ATRX: variants seen among roughly 807,000 people sequenced by gnomAD.
ATRX encodes the protein ATRX chromatin remodeler, also known as chromatin remodeler ATRX.
In ATRX, 12 loss-of-function variants were observed where a neutral mutation model predicts 172.6. The observed-to-expected ratio is 0.07, with a 90% CI of 0.04 to 0.11. The LOEUF (loss-of-function observed/expected upper bound fraction) is 0.11, where lower values mean the gene tolerates loss of function less well. Ranked by LOEUF, ATRX falls within the 10% of genes least tolerant of loss-of-function variation. The pLI is 1.00. For missense variants in ATRX, 1,368 were observed against 1,767.4 expected, an observed-to-expected ratio of 0.77 and a Z score of 4.05; for synonymous variants, 674 against 594.7, an observed-to-expected ratio of 1.13 and a Z score of -1.94.
At chrX:77,609,110 A>C (rs1376383424) in intron 22 of ATRX, among the ~76,000 whole-genome samples, 1 of 111,991 alleles carries the variant, frequency 8.9e-6, no homozygotes, top group Non-Finnish European at 1.9e-5. Context: ...GGTGGAGAAA[A>C]GGGAACCCAC....
intron 27 of ATRX, among the ~76,000 whole-genome samples, chrX:77,587,243 A>G (rs2066060272): frequency 1.8e-5 from 2 of 111,226 alleles, no homozygotes; most frequent in Non-Finnish European, 3.8e-5. Context: ...AGCAAACTAA[A>G]TCCAGCACCA....
At chrX:77,518,069 A>C (rs935411680) in intron 34 of ATRX, among the ~76,000 whole-genome samples, 2 of 112,119 alleles carry the variant, frequency 1.8e-5, no homozygotes, top group Non-Finnish European at 1.9e-5. Context: ...TATCGTACTC[A>C]ATGGGGAAAA....
chrX:77,721,607 C>T (rs1274676288), intron 1 of ATRX, among the ~76,000 whole-genome samples: 3 of 111,453 alleles, frequency 2.7e-5, no homozygotes, highest in Non-Finnish European at 5.6e-5. Flanking sequence ...AGGAATACAA[C>T]TTACAAGGGA....
intron 1 of ATRX, among the ~76,000 whole-genome samples, chrX:77,749,685 C>A (rs1472516050): frequency 9.0e-6 from 1 of 111,658 alleles, no homozygotes; most frequent in African/African-American, 3.3e-5. Context: ...AATTCAGTTA[C>A]CTGTGGTCAA....
intron 1 of ATRX, among the ~76,000 whole-genome samples, chrX:77,782,706 T>C (rs1359983889): frequency 9.0e-6 from 1 of 111,490 alleles, no homozygotes; most frequent in Non-Finnish European, 1.9e-5. Flanking sequence ...TGAGCCAAGA[T>C]GGTGCCATTG....
At chrX:77,569,327 G>C (rs1435552705) in intron 28 of ATRX, among the ~76,000 whole-genome samples, 3 of 111,097 alleles carry the variant, frequency 2.7e-5, no homozygotes, top group Non-Finnish European at 5.7e-5. Context: ...ATAATAAACA[G>C]AGCTGAAAAT....
At chrX:77,671,446 A>C (rs1387397215) in intron 10 of ATRX, among the ~76,000 whole-genome samples, 1 of 108,580 alleles carries the variant, frequency 9.2e-6, no homozygotes, top group Non-Finnish European at 1.9e-5. Context: ...TTAAGAACCC[A>C]CAGTTATTAA....
At chrX:77,543,884 C>T (rs1447697105) in intron 30 of ATRX, among the ~76,000 whole-genome samples, 3 of 109,375 alleles carry the variant, frequency 2.7e-5, no homozygotes, top group Non-Finnish European at 3.8e-5. Flanking sequence ...GTATAGCAAA[C>T]CACTATGGCA....
chrX:77,580,501 T>C (rs139979754), intron 27 of ATRX, among the ~76,000 whole-genome samples: 132 of 111,196 alleles, frequency 1.2e-3, no homozygotes, highest in African/African-American at 4.2e-3. Flanking sequence ...AGGAGAAGAG[T>C]AGCATGAAAT....
intron 8 of ATRX, 31 bp downstream of exon 8, chrX:77,684,908 C>G (rs200609866): frequency 8.8e-7 from 1 of 1,135,939 alleles, no homozygotes; most frequent in East Asian, 3.0e-5. Context: ...AAGTAGGAAA[C>G]ACTGAATGTT....
intron 1 of ATRX, among the ~76,000 whole-genome samples, chrX:77,785,530 G>A (rs976642900): frequency 3.7e-5 from 4 of 107,366 alleles, no homozygotes; most frequent in Non-Finnish European, 5.8e-5. Flanking sequence ...CCTCTAAGTC[G>A]TCCTGGGATC....
intron 12 of ATRX, among the ~76,000 whole-genome samples, chrX:77,658,535 A>G (rs1276510136): frequency 8.9e-6 from 1 of 112,388 alleles, no homozygotes; most frequent in Non-Finnish European, 1.9e-5. Flanking sequence ...AATAAGATCT[A>G]TAGTTTACTT....
intron 28 of ATRX, 81 bp downstream of exon 28, chrX:77,574,169 C>A (rs1602606450): frequency 1.4e-6 from 1 of 712,548 alleles, no homozygotes; most frequent in Non-Finnish European, 2.1e-6. Flanking sequence ...CATTCAAATA[C>A]ACAATAAAAA....
At chrX:77,593,899 AAG>A (rs1351508651) in intron 25 of ATRX, 50 bp from the exon 26 acceptor site, 30 of 1,108,275 alleles carry the variant, frequency 2.7e-5, no homozygotes, top group Non-Finnish European at 3.5e-5. Flanking sequence ...AAGAAATGGA[AAG>A]AGAGCAAGAG....
chrX:77,565,841 G>T (rs1602569035), intron 28 of ATRX, among the ~76,000 whole-genome samples: 1 of 107,663 alleles, frequency 9.3e-6, no homozygotes, highest in African/African-American at 3.4e-5. Context: ...GGGCGAGAGT[G>T]AGACCCTGTC....
At chrX:77,538,546 G>A (rs917704584) in intron 30 of ATRX, among the ~76,000 whole-genome samples, 30 of 111,098 alleles carry the variant, frequency 2.7e-4, no homozygotes, top group Admixed American at 2.9e-4. Flanking sequence ...TGATGGTTAC[G>A]CTAAAAACCC....
At chrX:77,696,482 G>A (rs1172116888) in intron 5 of ATRX, 95 bp downstream of exon 5, 3 of 951,012 alleles carry the variant, frequency 3.2e-6, no homozygotes, top group Non-Finnish European at 4.5e-6. Context: ...TTGGTCGTTT[G>A]TACATAGTTA....
At chrX:77,657,571 T>G (rs946760579) in intron 12 of ATRX, among the ~76,000 whole-genome samples, 2 of 111,468 alleles carry the variant, frequency 1.8e-5, no homozygotes, top group Admixed American at 1.9e-4. Context: ...TACTATTTGA[T>G]TATAACTGGT....
intron 25 of ATRX, among the ~76,000 whole-genome samples, 178 bp downstream of exon 25, chrX:77,599,233 G>C (rs782320586): frequency 9.0e-6 from 1 of 111,616 alleles, no homozygotes; most frequent in African/African-American, 3.2e-5. Flanking sequence ...AGAGTAGCTT[G>C]CTTATAATTA....
Sources: allele counts gnomAD v4.1 joint callset (sites outside exome capture counted in the v4.1 genomes callset), GRCh38; gene constraint gnomAD v4.1.1; transcripts MANE v1.5; gene names NCBI Gene and HGNC (gene_info 2026-07-23, HGNC 2026-07-21).